CCDC158: variants seen among roughly 807,000 people sequenced by gnomAD.
CCDC158 encodes coiled-coil domain-containing protein 158.
CCDC158 carries 116 observed loss-of-function variants against 138.6 expected under a neutral mutation model. The ratio of observed to expected loss-of-function variants is 0.84; its 90% CI spans 0.72 to 0.98. The LOEUF (loss-of-function observed/expected upper bound fraction) is 0.98. Among genes scored for constraint, CCDC158 ranks in the 50% least tolerant of loss-of-function variants. CCDC158 has a pLI of 0.00. For missense variants in CCDC158, 1,265 were observed against 1,306.1 expected, an observed-to-expected ratio of 0.97 and a Z score of 0.48; for synonymous variants, 436 against 442.4, an observed-to-expected ratio of 0.99 and a Z score of 0.18.
chr4:76,393,631 T>C (rs959018688), intron 4 of CCDC158, among the ~76,000 whole-genome samples: 3 of 151,708 alleles, frequency 2.0e-5, no homozygotes, highest in Non-Finnish European at 4.4e-5. Context: ...AATGGACAAA[T>C]GGGATCACAA....
intron 9 of CCDC158, among the ~76,000 whole-genome samples, chr4:76,377,250 G>T (rs995040296): frequency 7.2e-5 from 11 of 152,186 alleles, no homozygotes; most frequent in African/African-American, 2.7e-4. Flanking sequence ...AGCTATAGCA[G>T]TTACCAATCA....
rs760437570 is a variant in CCDC158 at position 76,331,417 on chromosome 4, G to T, written c.2883-14C>A. On this transcript the variant is annotated splice_polypyrimidine_tract_variant and intron_variant, in intron 20 of 24. Transcript: ENST00000682701. ...GAGTTGTTGCTTCTGTTGGTAGAGG[G>T]ATGGGAGAAATCACAGTTTAAATAA... The T allele has an allele frequency of 6.2e-7, 1 of 1,610,718 alleles. No homozygotes were observed. Among genetic ancestry groups the T allele is most frequent in the Non-Finnish European group, 8.5e-7 (1 of 1,177,076 alleles).
chr4:76,413,493 G>A (rs1322880117), intron 1 of CCDC158, among the ~76,000 whole-genome samples: 2 of 150,432 alleles, frequency 1.3e-5, no homozygotes, highest in Non-Finnish European at 1.5e-5. Context: ...AAAAAAAAAG[G>A]AAAAGAAAAA....
chr4:76,334,245 G>C, intron 18 of CCDC158, 78 bp from the exon 19 acceptor site: 4 of 1,294,956 alleles, frequency 3.1e-6, no homozygotes, highest in Non-Finnish European at 4.2e-6. Context: ...TAATGCAACT[G>C]GTAAACAGAA....
chr4:76,369,375 T>C (rs767585001), intron 11 of CCDC158, 51 bp downstream of exon 11: 2 of 1,537,682 alleles, frequency 1.3e-6, no homozygotes, highest in Non-Finnish European at 1.8e-6. Context: ...AAAATATTTA[T>C]TTCCCCAGAG....
At chr4:76,319,573 T>G (rs1719815451) in intron 24 of CCDC158, among the ~76,000 whole-genome samples, 1 of 133,466 alleles carries the variant, frequency 7.5e-6, no homozygotes, top group East Asian at 2.4e-4. Flanking sequence ...TCCAACACCA[T>G]ATCAAAAAGA....
rs199524814 is a variant in CCDC158 at position 76,351,135 on chromosome 4, T to C, written c.2539-14A>G. On this transcript the variant is annotated splice_polypyrimidine_tract_variant and intron_variant, in intron 17 of 24. Coordinates refer to ENST00000682701, the MANE Select transcript of CCDC158 (RefSeq NM_001394954.1). ...GCCCTGAAGTTCCTGGAAAACAATATAGAGGTAAGCAAAATAACTGCCAGC... is the reference window on the plus strand; with the variant it reads ...GCCCTGAAGTTCCTGGAAAACAATACAGAGGTAAGCAAAATAACTGCCAGC... 426 of 1,601,060 alleles carry C rather than the reference T, an allele frequency of 2.7e-4. No homozygotes were observed. Among genetic ancestry groups the C allele is most frequent in the Non-Finnish European group, 3.5e-4 (408 of 1,174,162 alleles).
intron 24 of CCDC158, among the ~76,000 whole-genome samples, chr4:76,317,034 A>G (rs1166855100): frequency 6.6e-6 from 1 of 151,992 alleles, no homozygotes; most frequent in East Asian, 1.9e-4. Flanking sequence ...TTAAAGCATA[A>G]ATCTCACAGG....
At chr4:76,390,062 A>G (rs1269437876) in intron 4 of CCDC158, among the ~76,000 whole-genome samples, 1 of 152,184 alleles carries the variant, frequency 6.6e-6, no homozygotes, top group African/African-American at 2.4e-5. Flanking sequence ...CACACAGAAC[A>G]ATATAACACT....
At position 76,332,483 on chromosome 4, in the gene CCDC158, C is replaced by T. The variant is rs1039357066; in HGVS notation, c.2831G>A (p.Arg944Lys). 1.2e-6 allele frequency: 2 copies of T among 1,606,002 alleles called. No individual in the cohort carries two copies. The highest frequency in any genetic ancestry group is 1.7e-6 in the Non-Finnish European group (2 of 1,175,056). The change falls in exon 20 of 25, where the codon AGG becomes AAG. Residue 944 changes from arginine to lysine, a missense_variant. By Grantham distance (26) the Arg-to-Lys change is conservative (BLOSUM62 2). Coordinates refer to ENST00000682701, the MANE Select transcript of CCDC158 (RefSeq NM_001394954.1). ...GGATTCAGTAATGCAATCTCTTACC[C>T]TATCCTCTCTGTATAGAAAATATAA... ...LGALYVAVED[R>K]VRDCITESSL...
intron 19 of CCDC158, among the ~76,000 whole-genome samples, chr4:76,333,697 C>T (rs887875826): frequency 3.9e-5 from 6 of 152,054 alleles, no homozygotes; most frequent in African/African-American, 1.2e-4. Flanking sequence ...ATAAATAAAC[C>T]CTGCTCTGCC....
At chr4:76,405,577 T>C (rs1415889156) in intron 2 of CCDC158, among the ~76,000 whole-genome samples, 1 of 152,094 alleles carries the variant, frequency 6.6e-6, no homozygotes, top group Non-Finnish European at 1.5e-5. Flanking sequence ...AATACTCAAT[T>C]ATAGAGTTGA....
intron 9 of CCDC158, among the ~76,000 whole-genome samples, chr4:76,378,156 T>G (rs1379799692): frequency 6.6e-6 from 1 of 152,186 alleles, no homozygotes; most frequent in Non-Finnish European, 1.5e-5. Flanking sequence ...AGGTATCTTA[T>G]TTCCATGCGC....
intron 22 of CCDC158, among the ~76,000 whole-genome samples, chr4:76,328,527 ACTCACCTTGGCTT>A (rs1453844067): frequency 6.6e-6 from 1 of 152,062 alleles, no homozygotes; most frequent in African/African-American, 2.4e-5. Flanking sequence ...CAAGCAATCC[ACTCACCTTGGCTT>A]CTCAAAGTGC....
chr4:76,367,485 G>A lies in CCDC158; in HGVS notation c.1639C>T (p.Gln547Ter). The A allele has an allele frequency of 1.2e-6, 2 of 1,614,208 alleles. No individual in the cohort carries two copies. Among genetic ancestry groups the A allele is most frequent in the Non-Finnish European group, 1.7e-6 (2 of 1,180,046 alleles). ...KNEGDHLRNV[Q>*]TECEALKLQM... ...AGTTTGAGGGCCTCACATTCTGTCT[G>A]CACATTTCTGAGATGATCCCCTTCA... Residue 547 changes from glutamine (Q) to a stop codon, truncating the protein, a stop_gained, in exon 12 of 25, where the codon CAG becomes TAG. Transcript: ENST00000682701. LOFTEE classifies it high-confidence loss of function.
chr4:76,366,838 T>G (rs554037906), intron 12 of CCDC158, among the ~76,000 whole-genome samples: 59 of 152,212 alleles, frequency 3.9e-4, no homozygotes, highest in Non-Finnish European at 7.5e-4. Flanking sequence ...TGATATATAC[T>G]TTCTGATTTA....
intron 8 of CCDC158, among the ~76,000 whole-genome samples, chr4:76,379,970 G>C (rs1394392339): frequency 2.0e-5 from 3 of 152,088 alleles, no homozygotes; most frequent in African/African-American, 7.2e-5. Flanking sequence ...GCTCCGCCAT[G>C]GTAAGATGTG....
At chr4:76,382,344 C>T (rs1405730452) in intron 8 of CCDC158, among the ~76,000 whole-genome samples, 1 of 152,120 alleles carries the variant, frequency 6.6e-6, no homozygotes, top group Non-Finnish European at 1.5e-5. Flanking sequence ...TTGGTTAGTT[C>T]TTTATAGCAG....
intron 22 of CCDC158, among the ~76,000 whole-genome samples, chr4:76,327,751 T>C (rs1720658551): frequency 1.3e-5 from 2 of 152,176 alleles, no homozygotes; most frequent in South Asian, 4.1e-4. Flanking sequence ...TGAAAATTTA[T>C]CTTTCTCCCA....
Sources: gnomAD v4.1 joint callset for allele counts (sites outside exome capture counted in the v4.1 genomes callset) on GRCh38, gnomAD v4.1.1 for gene constraint, MANE v1.5 for transcripts, NCBI Gene and HGNC (gene_info 2026-07-23, HGNC 2026-07-21) for gene names.